Variants in CAMTA1 observed in about 807,000 individuals in gnomAD.
CAMTA1 encodes calmodulin-binding transcription activator 1.
A neutral mutation model predicts 170.9 loss-of-function variants in CAMTA1; 27 were observed. That is an observed-to-expected ratio of 0.16 (90% CI 0.12 to 0.22). The LOEUF (loss-of-function observed/expected upper bound fraction) is 0.22. Ranked by LOEUF, CAMTA1 falls within the 10% of genes least tolerant of loss-of-function variation. The pLI, the probability that CAMTA1 is intolerant of heterozygous loss-of-function variation, is 1.00. For synonymous variants in CAMTA1, 833 were observed against 891.5 expected, an observed-to-expected ratio of 0.93 and a Z score of 1.17; for missense variants, 1,619 against 2,217.2, an observed-to-expected ratio of 0.73 and a Z score of 5.42.
At chr1:7,501,126 A>G (rs2093998756) in intron 6 of CAMTA1, among the ~76,000 whole-genome samples, 19 of 152,042 alleles carry the variant, frequency 1.2e-4, no homozygotes, top group Admixed American at 1.2e-3. Flanking sequence ...GGCAGCCGAG[A>G]GAGTATGCTG....
At chr1:7,034,554 C>G (rs1643151574) in intron 3 of CAMTA1, among the ~76,000 whole-genome samples, 1 of 152,232 alleles carries the variant, frequency 6.6e-6, no homozygotes, top group Admixed American at 6.5e-5. Flanking sequence ...GAAGCAGCCT[C>G]TGCACAGCTC....
intron 5 of CAMTA1, among the ~76,000 whole-genome samples, chr1:7,398,193 CTATATATATATAT>C (rs1234109939): frequency 5.9e-5 from 1 of 16,902 alleles, no homozygotes; most frequent in East Asian, 2.1e-3. Flanking sequence ...CTCTCTCTCT[CTATATATATATAT>C]ATATATATAT....
In CAMTA1 at chr1:7,172,498, C is replaced by T. The variant is rs183664874; in HGVS notation, c.303-76993C>T. ...GAGCTTCTAGGGAGGTGAAGGTATGCGGAGCATGAACAACAGCATGACAGG... is the reference window on the plus strand; with the variant it reads ...GAGCTTCTAGGGAGGTGAAGGTATGTGGAGCATGAACAACAGCATGACAGG... On this transcript the variant is annotated intron_variant, in intron 4 of 22. Coordinates refer to ENST00000303635, the MANE Select transcript of CAMTA1 (RefSeq NM_015215.4). Among the ~76,000 whole-genome samples the T allele has an allele frequency of 2.0e-3, 295 of 148,906 alleles. 7 individuals are homozygous for T. In the South Asian group the frequency reaches 0.041, roughly 21 times the overall value.
At position 7,248,790 on chromosome 1, in the gene CAMTA1, C is replaced by A. The variant is rs1666214638; in HGVS notation, c.303-701C>A. ...ACACGAATGACCATCTAACTCTTAG[C>A]ATTTAGGGAGCAAGCCGCTATTTCC... is the stretch of plus-strand genomic sequence containing the variant. On this transcript the variant is annotated intron_variant, in intron 4 of 22. Coordinates refer to ENST00000303635, the MANE Select transcript of CAMTA1 (RefSeq NM_015215.4). This position sits in a 1 kb window ranked among gnomAD's most constrained non-coding sequence, Gnocchi z 4.0. Among the ~76,000 whole-genome samples the A allele has an allele frequency of 6.6e-6, 1 of 152,122 alleles. No individual in the cohort carries two copies. The highest frequency in any genetic ancestry group is 1.5e-5 in the Non-Finnish European group (1 of 68,026).
intron 6 of CAMTA1, among the ~76,000 whole-genome samples, chr1:7,618,296 C>A (rs574778975): frequency 5.9e-5 from 9 of 152,328 alleles, no homozygotes; most frequent in East Asian, 1.9e-4. Context: ...TATCACCTCC[C>A]AAGCCAGACC....
At chr1:7,520,247 T>TCC (rs1444101068) in intron 6 of CAMTA1, among the ~76,000 whole-genome samples, 1 of 9,182 alleles carries the variant, frequency 1.1e-4, no homozygotes, top group Non-Finnish European at 1.9e-4. Context: ...TCTCCCCTCC[T>TCC]CTTCCCTCCT....
intron 5 of CAMTA1, among the ~76,000 whole-genome samples, chr1:7,309,457 G>A (rs1382239354): frequency 5.9e-5 from 9 of 151,392 alleles, no homozygotes; most frequent in African/African-American, 1.2e-4. Context: ...CCGCCACTAC[G>A]CCCGGCTAAT....
At chr1:6,954,664 A>G (rs1157017646) in intron 3 of CAMTA1, among the ~76,000 whole-genome samples, 1 of 152,198 alleles carries the variant, frequency 6.6e-6, no homozygotes, top group African/African-American at 2.4e-5. Context: ...CACACAGGAG[A>G]CAGGCTCTGA....
chr1:6,944,172 G>T (rs1687194252), intron 3 of CAMTA1, among the ~76,000 whole-genome samples: 1 of 152,120 alleles, frequency 6.6e-6, no homozygotes, highest in Non-Finnish European at 1.5e-5. Flanking sequence ...GGTCCTCAGG[G>T]TTCATCCATG....
At chr1:7,110,963 C>CTGGG (rs1278004902) in intron 4 of CAMTA1, among the ~76,000 whole-genome samples, 1 of 152,224 alleles carries the variant, frequency 6.6e-6, no homozygotes, top group East Asian at 1.9e-4. Context: ...TCTCACTGAG[C>CTGGG]TGAAATTAAG....
intron 1 of CAMTA1, among the ~76,000 whole-genome samples, chr1:6,810,073 A>G (rs1644988437): frequency 6.6e-6 from 1 of 152,148 alleles, no homozygotes; most frequent in African/African-American, 2.4e-5. Flanking sequence ...GCTGTAACCA[A>G]TCATCACAAA....
chr1:7,737,291 G>A lies in CAMTA1; in HGVS notation c.3379G>A (p.Val1127Ile), dbSNP rs774037742. 1.9e-5 allele frequency: 30 copies of A among 1,613,970 alleles called. No individual in the cohort carries two copies. Among genetic ancestry groups the A allele is most frequent in the Middle Eastern group, 1.6e-4 (1 of 6,084 alleles). Residue 1127 changes from valine to isoleucine, a missense_variant, in exon 15 of 23, where the codon GTC becomes ATC. Physicochemically the swap from Val to Ile is conservative, Grantham distance 29. Coordinates refer to ENST00000303635, the MANE Select transcript of CAMTA1 (RefSeq NM_015215.4). Reference sequence around the variant, plus strand: ...TGCCCTAGGGCACTTGGAAGCTGCCGTCGTGCTGTACAAGTGGGACCGTCG... The same window carrying A: ...TGCCCTAGGGCACTTGGAAGCTGCCATCGTGCTGTACAAGTGGGACCGTCG... ...ACALGHLEAA[V>I]VLYKWDRRAI... is the part of the protein sequence containing the mutation.
intron 6 of CAMTA1, among the ~76,000 whole-genome samples, chr1:7,475,252 C>G (rs1309002875): frequency 6.6e-6 from 1 of 152,146 alleles, no homozygotes; most frequent in Non-Finnish European, 1.5e-5. Context: ...GGAAATAAAG[C>G]CTGACGGCAC....
intron 3 of CAMTA1, among the ~76,000 whole-genome samples, chr1:7,022,395 G>C (rs183676423): frequency 6.6e-6 from 1 of 152,252 alleles, no homozygotes; most frequent in African/African-American, 2.4e-5. Context: ...CAGTGGTAGG[G>C]GCTAGCTGTG....
At chr1:7,611,080 G>A (rs2095520521) in intron 6 of CAMTA1, among the ~76,000 whole-genome samples, 1 of 152,164 alleles carries the variant, frequency 6.6e-6, no homozygotes, top group African/African-American at 2.4e-5. Flanking sequence ...CTGTAAAGCA[G>A]GCAGAGTGAA....
At chr1:7,622,428 ATT>A (rs2095605096) in intron 6 of CAMTA1, among the ~76,000 whole-genome samples, 1 of 152,228 alleles carries the variant, frequency 6.6e-6, no homozygotes, top group African/African-American at 2.4e-5. Context: ...AGATTGGTGT[ATT>A]CTTTCTATCT....
At chr1:7,199,365 C>T (rs1247159018) in intron 4 of CAMTA1, among the ~76,000 whole-genome samples, 1 of 152,244 alleles carries the variant, frequency 6.6e-6, no homozygotes, top group Non-Finnish European at 1.5e-5. Context: ...TCAGTCCATG[C>T]GAGGTGGTGG....
chr1:7,647,109 G>C (rs1030749231), intron 7 of CAMTA1, among the ~76,000 whole-genome samples: 20 of 152,174 alleles, frequency 1.3e-4, no homozygotes, highest in South Asian at 4.1e-4. Flanking sequence ...GCTCTCCAGG[G>C]ACCCAGCTCA....
chr1:7,444,213 C>T (rs563827863), intron 5 of CAMTA1, among the ~76,000 whole-genome samples: 8 of 152,328 alleles, frequency 5.3e-5, no homozygotes, highest in Admixed American at 5.2e-4. Context: ...TCTGTCATGT[C>T]CTTCCTCTGG....
Sources: gnomAD v4.1 joint callset for allele counts (sites outside exome capture counted in the v4.1 genomes callset) on GRCh38, gnomAD v4.1.1 for gene constraint, Gnocchi (gnomAD v3.1) non-coding constraint, MANE v1.5 for transcripts, NCBI Gene and HGNC (gene_info 2026-07-23, HGNC 2026-07-21) for gene names.